THSD7A: variants seen among roughly 807,000 people sequenced by gnomAD.
THSD7A encodes the protein thrombospondin type 1 domain containing 7A.
In THSD7A, 96 loss-of-function variants were observed where a neutral mutation model predicts 231.3. That is an observed-to-expected ratio of 0.41 (90% CI 0.35 to 0.49). The LOEUF (loss-of-function observed/expected upper bound fraction) is 0.49. Ranked by LOEUF, THSD7A falls within the 20% of genes least tolerant of loss-of-function variation. The pLI is 0.05. For missense variants in THSD7A, 2,290 were observed against 2,070.2 expected, an observed-to-expected ratio of 1.11 and a Z score of -2.06; for synonymous variants, 940 against 743.3, an observed-to-expected ratio of 1.26 and a Z score of -4.30.
chr7:11,739,332 T>G (rs2128160139), intron 1 of THSD7A, among the ~76,000 whole-genome samples: 1 of 152,120 alleles, frequency 6.6e-6, no homozygotes, highest in Non-Finnish European at 1.5e-5. Context: ...TTGAAGGTCC[T>G]TAAACACTTC....
chr7:11,480,360 A>C (rs2128304404), intron 7 of THSD7A, among the ~76,000 whole-genome samples: 1 of 152,252 alleles, frequency 6.6e-6, no homozygotes, highest in East Asian at 1.9e-4. Flanking sequence ...AAAGTCATTC[A>C]TTAGTAGTCA....
chr7:11,815,757 G>C (rs767283636), intron 1 of THSD7A, among the ~76,000 whole-genome samples: 1 of 151,962 alleles, frequency 6.6e-6, no homozygotes. Context: ...AAACCCAAAT[G>C]ACTTGATCTC....
intron 1 of THSD7A, among the ~76,000 whole-genome samples, chr7:11,732,517 C>T (rs1428334963): frequency 6.6e-6 from 1 of 151,800 alleles, no homozygotes; most frequent in Non-Finnish European, 1.5e-5. Context: ...AATATTCCAG[C>T]ACGTTTTAGA....
rs1783591193 is a variant in THSD7A, at chr7:11,406,611, C to T, written c.4063-137G>A. Reference sequence around the variant, plus strand: ...GATTTGAAACCCTAGGGAAGAAGCCCTATAGGGCACTAGCAATAAAGCATA... The same window carrying T: ...GATTTGAAACCCTAGGGAAGAAGCCTTATAGGGCACTAGCAATAAAGCATA... On this transcript the variant is annotated intron_variant, in intron 21 of 27. Transcript: ENST00000423059. The surrounding 1 kb of genome is among the most constrained non-coding windows in gnomAD (Gnocchi z 4.7). The T allele has an allele frequency of 2.1e-6, 2 of 938,816 alleles. No individual in the cohort carries two copies. The highest frequency in any genetic ancestry group is 1.5e-6 in the Non-Finnish European group (1 of 645,532). 58.2% of individuals were successfully genotyped at this position (938,816 alleles called of 1,614,324 possible).
intron 1 of THSD7A, among the ~76,000 whole-genome samples, chr7:11,828,424 A>G (rs1270078168): frequency 2.0e-5 from 3 of 152,136 alleles, no homozygotes; most frequent in Non-Finnish European, 2.9e-5. Flanking sequence ...CCCAGATCAT[A>G]TATTAAATTA....
At chr7:11,769,137 A>ATG (rs1313840996) in intron 1 of THSD7A, among the ~76,000 whole-genome samples, 15 of 36,634 alleles carry the variant, frequency 4.1e-4, no homozygotes, top group Non-Finnish European at 1.3e-4. Flanking sequence ...ATATATATAT[A>ATG]TATATATATA....
chr7:11,434,613 T>G (rs1056308063), intron 13 of THSD7A, among the ~76,000 whole-genome samples: 5 of 152,162 alleles, frequency 3.3e-5, no homozygotes, highest in Non-Finnish European at 7.4e-5. Flanking sequence ...AACTCTGGCA[T>G]TCTCTCTGAA....
chr7:11,466,078 T>A (rs938861499), intron 9 of THSD7A, among the ~76,000 whole-genome samples: 14 of 152,280 alleles, frequency 9.2e-5, no homozygotes, highest in African/African-American at 3.4e-4. Context: ...GGAATCCTAC[T>A]ATTCTGTTTT....
chr7:11,481,086 G>T (rs1786404480), intron 7 of THSD7A, among the ~76,000 whole-genome samples: 1 of 152,064 alleles, frequency 6.6e-6, no homozygotes, highest in African/African-American at 2.4e-5. Context: ...ATATTACCCA[G>T]TCACACAGAA....
chr7:11,568,651 AAAAC>A lies in THSD7A; in HGVS notation c.1453+21805_1453+21808del, dbSNP rs1205563588. Among the ~76,000 whole-genome samples, 358 of 139,332 alleles carry A rather than the reference AAAAC, an allele frequency of 2.6e-3. 3 individuals carry two copies. The highest frequency in any genetic ancestry group is 8.9e-3 in the African/African-American group (325 of 36,420). 91.4% of individuals were successfully genotyped at this position (139,332 alleles called of 152,430 possible). A position where few individuals can be genotyped will look rare whatever the true frequency, so the allele number is the denominator to read the frequency against. On this transcript the variant is annotated intron_variant, in intron 4 of 27. Transcript: ENST00000423059. ...AAAAAAAAAAAAAAAAAAAAAAAAAAAAACCAAAATCTGGAACAAGGTAAAGATG... is the reference window on the plus strand; with the variant it reads ...AAAAAAAAAAAAAAAAAAAAAAAAAACAAAATCTGGAACAAGGTAAAGATG...
At chr7:11,667,963 T>G (rs1438787225) in intron 1 of THSD7A, among the ~76,000 whole-genome samples, 1 of 152,180 alleles carries the variant, frequency 6.6e-6, no homozygotes, top group Non-Finnish European at 1.5e-5. Flanking sequence ...GAAGAGGCTT[T>G]AGAGACCATT....
chr7:11,710,797 G>A (rs1780930669), intron 1 of THSD7A, among the ~76,000 whole-genome samples: 1 of 150,834 alleles, frequency 6.6e-6, no homozygotes, highest in Admixed American at 6.6e-5. Context: ...TAGATCAGCA[G>A]CAGCTTACAT....
intron 1 of THSD7A, among the ~76,000 whole-genome samples, chr7:11,746,839 G>A (rs1487392751): frequency 1.3e-5 from 2 of 151,792 alleles, no homozygotes; most frequent in Admixed American, 6.6e-5. Context: ...ACCTCCTGGA[G>A]GGGGAGGAGT....
At chr7:11,759,566 T>C (rs1407595337) in intron 1 of THSD7A, among the ~76,000 whole-genome samples, 31 of 151,962 alleles carry the variant, frequency 2.0e-4, no homozygotes, top group Admixed American at 2.0e-3. Context: ...AAATAATAAC[T>C]AAATTTTTCA....
chr7:11,621,928 C>T (rs919652382), intron 2 of THSD7A, among the ~76,000 whole-genome samples: 4 of 152,008 alleles, frequency 2.6e-5, no homozygotes, highest in Admixed American at 2.0e-4. Flanking sequence ...ATATGTTTGT[C>T]ATAATGACAT....
chr7:11,703,374 G>C (rs573065117), intron 1 of THSD7A, among the ~76,000 whole-genome samples: 2 of 151,194 alleles, frequency 1.3e-5, no homozygotes, highest in Non-Finnish European at 3.0e-5. Flanking sequence ...TTGGGAATCT[G>C]AGGATCAGAG....
chr7:11,387,335 T>C (rs973688450), intron 23 of THSD7A, among the ~76,000 whole-genome samples: 3 of 152,202 alleles, frequency 2.0e-5, no homozygotes, highest in Non-Finnish European at 4.4e-5. Context: ...TGATTCTTCC[T>C]ATCCATGATC....
intron 4 of THSD7A, among the ~76,000 whole-genome samples, chr7:11,553,291 T>A (rs2128326906): frequency 6.6e-6 from 1 of 152,258 alleles, no homozygotes; most frequent in African/African-American, 2.4e-5. Context: ...TATAATTCTA[T>A]TCCTTTGGTG....
intron 8 of THSD7A, among the ~76,000 whole-genome samples, chr7:11,470,407 G>C (rs906052969): frequency 3.3e-5 from 5 of 151,778 alleles, no homozygotes; most frequent in Non-Finnish European, 7.4e-5. Context: ...CCTATTATAA[G>C]TTTCCAGGTT....
Sources: allele counts gnomAD v4.1 joint callset (sites outside exome capture counted in the v4.1 genomes callset), GRCh38; gene constraint gnomAD v4.1.1; non-coding constraint Gnocchi (gnomAD v3.1); transcripts MANE v1.5; gene names NCBI Gene and HGNC (gene_info 2026-07-23, HGNC 2026-07-21).